Variants in TOPBP1 observed in about 807,000 individuals in gnomAD.
The protein encoded by TOPBP1 is DNA topoisomerase II binding protein 1.
Under a neutral mutation model 167.7 loss-of-function variants are expected in TOPBP1, and 28 were observed. That is an observed-to-expected ratio of 0.17 (90% CI 0.12 to 0.23). TOPBP1 has a LOEUF of 0.23. Ranked by LOEUF, TOPBP1 falls within the 10% of genes least tolerant of loss-of-function variation. The probability of loss-of-function intolerance (pLI) is 1.00; values close to 1 mark genes in which losing one functional copy is unlikely to be tolerated. For synonymous variants in TOPBP1, 598 were observed against 611.4 expected (o/e 0.98, Z 0.32); for missense variants, 1,554 against 1,809.6 (o/e 0.86, Z 2.56).
At chr3:133,628,788 C>T (rs1292250464) in intron 14 of TOPBP1, 55 bp from the exon 15 acceptor site, 50 of 1,500,818 alleles carry the variant, frequency 3.3e-5, no homozygotes, top group Non-Finnish European at 4.3e-5. Context: ...GAGAGAGAAG[C>T]AAGATGGGTT....
chr3:133,638,691 C>T (rs1368046628), intron 13 of TOPBP1, among the ~76,000 whole-genome samples: 1 of 152,152 alleles, frequency 6.6e-6, no homozygotes, highest in Non-Finnish European at 1.5e-5. Context: ...GAGAGGTATT[C>T]CCAAGCTGCT....
In TOPBP1 at chr3:133,643,278, T is replaced by C; in HGVS notation, c.1943A>G (p.Asp648Gly). The change falls in exon 12 of 28, where the codon GAT becomes GGT. Residue 648 changes from aspartate to glycine, a missense_variant. By Grantham distance (94) the Asp-to-Gly change is moderately conservative. Around this residue, in one of 3 missense-constraint regions of TOPBP1, gnomAD observed 1,197 missense variants for 1,351.5 expected, o/e 0.89. Coordinates refer to ENST00000260810, the MANE Select transcript of TOPBP1 (RefSeq NM_007027.4). ...ACACTGGCTAAATGAAATAACACAA[T>C]CCTCTAAAGGAGTCATTCCTGTCAT... ...PVMTGMTPLE[D>G]CVISFSQCAG... is the part of the protein sequence containing the mutation. The C allele has an allele frequency of 1.9e-6, 3 of 1,612,546 alleles. No individual in the cohort carries two copies. Among genetic ancestry groups the C allele is most frequent in the Non-Finnish European group, 2.5e-6 (3 of 1,179,328 alleles).
intron 5 of TOPBP1, among the ~76,000 whole-genome samples, chr3:133,656,385 T>C (rs550794880): frequency 8.5e-5 from 13 of 152,262 alleles, no homozygotes; most frequent in African/African-American, 2.4e-4. Context: ...AGCTACAGAA[T>C]TGCCAAACTC....
chr3:133,603,283 A>G (rs1354728486), intron 27 of TOPBP1, among the ~76,000 whole-genome samples: 2 of 152,224 alleles, frequency 1.3e-5, no homozygotes, highest in African/African-American at 2.4e-5. Flanking sequence ...TGGATAAAAT[A>G]AAATTCTAAA....
Position 133,644,045 on chromosome 3 carries a change from C to T in TOPBP1, c.1823G>A (p.Gly608Glu), listed in dbSNP as rs372927422. Residue 608 changes from glycine to glutamate, a missense_variant, in exon 11 of 28, where the codon GGA becomes GAA. By Grantham distance (98) the Gly-to-Glu change is moderately conservative. Around this residue, in one of 3 missense-constraint regions of TOPBP1, gnomAD observed 1,197 missense variants for 1,351.5 expected, o/e 0.89. Transcript: ENST00000260810. ...CAGCCATGTATTTGTAACAACTTCT[C>T]CCACAGTGGCTTCCACTTCACACCC... ...LLGCEVEATV[G>E]EVVTNTWLVT... 6.2e-7 allele frequency: 1 copy of T among 1,605,306 alleles called. No homozygotes were observed. Among genetic ancestry groups the T allele is most frequent in the African/African-American group, 1.3e-5 (1 of 74,478 alleles).
chr3:133,660,859 G>A (rs553610931), intron 2 of TOPBP1, among the ~76,000 whole-genome samples, 185 bp downstream of exon 2: 13 of 152,138 alleles, frequency 8.5e-5, no homozygotes, highest in Non-Finnish European at 1.6e-4. Flanking sequence ...CCAGCCCCCC[G>A]AAATACATAA....
At chr3:133,629,796 T>C (rs563277975) in intron 14 of TOPBP1, among the ~76,000 whole-genome samples, 3 of 152,264 alleles carry the variant, frequency 2.0e-5, no homozygotes, top group African/African-American at 7.2e-5. Flanking sequence ...TATATATATA[T>C]ATATTTTTGA....
rs769192519 is a variant in TOPBP1, at chr3:133,655,453, T to A, written c.579A>T (p.Glu193Asp). ...CAAGAAAAATAGGACACTTGAAATCTTCCATGTTTATATCAGTATATCTAG... is the reference window on the plus strand; with the variant it reads ...CAAGAAAAATAGGACACTTGAAATCATCCATGTTTATATCAGTATATCTAG... Reference protein sequence around the residue: ...KITRYTDINMEDFKCPIFLGC... With the variant: ...KITRYTDINMDDFKCPIFLGC... Residue 193 changes from glutamate to aspartate, a missense_variant, in exon 6 of 28, where the codon GAA becomes GAT. Glu to Asp is a conservative substitution (Grantham distance 45, BLOSUM62 2). This residue lies in a region of TOPBP1 where 1,197 missense variants were observed against 1,351.5 expected (regional missense o/e 0.89). Coordinates refer to ENST00000260810, the MANE Select transcript of TOPBP1 (RefSeq NM_007027.4). 9 of 1,584,376 alleles carry A rather than the reference T, an allele frequency of 5.7e-6. No homozygotes were observed. Among genetic ancestry groups the A allele is most frequent in the African/African-American group, 1.4e-5 (1 of 73,444 alleles).
At position 133,642,042 on chromosome 3, in the gene TOPBP1, T is replaced by C. The variant is rs906965630; in HGVS notation, c.2021+1158A>G. ...TCTCATTTTGTTGCCCTGGCTGGAGTATAGTTGTGTGATCATAGCTCACTG... is the reference window on the plus strand; with the variant it reads ...TCTCATTTTGTTGCCCTGGCTGGAGCATAGTTGTGTGATCATAGCTCACTG... On this transcript the variant is annotated intron_variant, in intron 12 of 27. Coordinates refer to ENST00000260810, the MANE Select transcript of TOPBP1 (RefSeq NM_007027.4). Among the ~76,000 whole-genome samples, 5 of 151,884 alleles carry C rather than the reference T, an allele frequency of 3.3e-5. No individual in the cohort carries two copies. In the South Asian group the frequency reaches 1.0e-3, roughly 32 times the overall value.
At chr3:133,628,827 G>C (rs1350590665) in intron 14 of TOPBP1, 94 bp from the exon 15 acceptor site, 1 of 1,301,714 alleles carries the variant, frequency 7.7e-7, no homozygotes, top group East Asian at 2.5e-5. Flanking sequence ...AAGAGGAGGA[G>C]AGAGGGGTAA....
At chr3:133,638,531 G>C (rs140767400) in intron 13 of TOPBP1, among the ~76,000 whole-genome samples, 1 of 152,258 alleles carries the variant, frequency 6.6e-6, no homozygotes, top group East Asian at 1.9e-4. Flanking sequence ...GTCAATGACA[G>C]AGTAAAAAGA....
intron 12 of TOPBP1, 77 bp from the exon 13 acceptor site, chr3:133,640,247 A>G (rs1935852973): frequency 2.4e-6 from 3 of 1,238,308 alleles, no homozygotes; most frequent in Non-Finnish European, 3.4e-6. Flanking sequence ...TTCCAACACA[A>G]CAGTGTGGTT....
rs538126046 is a variant in TOPBP1 at position 133,624,283 on chromosome 3, C to T, written c.2805-108G>A. 4.5e-5 allele frequency: 57 copies of T among 1,262,656 alleles called. No homozygotes were observed. The Middle Eastern group carries it at 1.2e-3, about 27-fold the overall frequency. 78.2% of individuals were successfully genotyped at this position (1,262,656 alleles called of 1,614,324 possible). A position where few individuals can be genotyped will look rare whatever the true frequency, so the allele number is the denominator to read the frequency against. On this transcript the variant is annotated intron_variant, in intron 16 of 27. Coordinates refer to ENST00000260810, the MANE Select transcript of TOPBP1 (RefSeq NM_007027.4). ...AATATTCTGACCTTCCCAAAACTTT[C>T]GGACTAGAGTAAACAAGACCATTAA...
chr3:133,637,758 A>G (rs1268173566), intron 14 of TOPBP1, 118 bp downstream of exon 14: 19 of 1,056,272 alleles, frequency 1.8e-5, no homozygotes, highest in South Asian at 5.0e-5. Flanking sequence ...ACATAAATCT[A>G]CTTGCCAATG....
chr3:133,608,419 A>G (rs1934562520), intron 27 of TOPBP1, 116 bp downstream of exon 27: 1 of 1,144,726 alleles, frequency 8.7e-7, no homozygotes, highest in Non-Finnish European at 1.2e-6. Context: ...AGAAGAGAAT[A>G]ACAGGAGACT....
Position 133,643,363 on chromosome 3 carries a change from T to C in TOPBP1, c.1858A>G (p.Ile620Val), listed in dbSNP as rs111347807. ...VVTNTWLVTCIDYQTLFDPKS... is the reference protein window; with the variant it reads ...VVTNTWLVTCVDYQTLFDPKS... ...GGATCAAACAAAGTCTGATAGTCTA[T>C]GCAAGTAACCTTTTAAAAACAAAAG... The change falls in exon 12 of 28, where the codon ATA (isoleucine) becomes GTA (valine). Residue 620 changes from isoleucine to valine, a missense_variant. Coordinates refer to ENST00000260810, the MANE Select transcript of TOPBP1 (RefSeq NM_007027.4). The C allele has an allele frequency of 3.0e-4, 481 of 1,583,352 alleles. No individual in the cohort carries two copies. Among genetic ancestry groups the C allele is most frequent in the Non-Finnish European group, 3.1e-4 (360 of 1,169,210 alleles).
At chr3:133,618,789 C>T (rs1934983341) in intron 20 of TOPBP1, among the ~76,000 whole-genome samples, 1 of 152,054 alleles carries the variant, frequency 6.6e-6, no homozygotes, top group African/African-American at 2.4e-5. Flanking sequence ...GTTAGGGAAA[C>T]AGGGTAATGT....
chr3:133,620,112 CTCAAG>C, intron 20 of TOPBP1, 38 bp downstream of exon 20: 1 of 1,537,702 alleles, frequency 6.5e-7, no homozygotes, highest in Non-Finnish European at 8.8e-7. Context: ...AATCCTTTCT[CTCAAG>C]TCATCTAGTC....
intron 27 of TOPBP1, among the ~76,000 whole-genome samples, chr3:133,606,495 CTTTTTTT>C (rs750468980): frequency 1.6e-5 from 2 of 125,464 alleles, no homozygotes; most frequent in African/African-American, 3.0e-5. Context: ...CACTCTAGGC[CTTTTTTT>C]TTTTTTTTTT....
Sources: allele counts gnomAD v4.1 joint callset (sites outside exome capture counted in the v4.1 genomes callset), GRCh38; gene constraint gnomAD v4.1.1; regional missense constraint gnomAD v4.1.1; transcripts MANE v1.5; gene names NCBI Gene and HGNC (gene_info 2026-07-23, HGNC 2026-07-21).